ACTN3: variants seen among roughly 807,000 people sequenced by gnomAD.
ACTN3 encodes the protein actinin alpha 3.
A neutral mutation model predicts 119.6 loss-of-function variants in ACTN3; 91 were observed. The ratio of observed to expected loss-of-function variants is 0.76; its 90% CI spans 0.64 to 0.91. The LOEUF is 0.91. Among genes scored for constraint, ACTN3 ranks in the 40% least tolerant of loss-of-function variants. The pLI is 0.00. For missense variants in ACTN3, 1,221 were observed against 1,215.1 expected (o/e 1.00, Z -0.07); for synonymous variants, 456 against 478.8 (o/e 0.95, Z 0.62).
In ACTN3 at chr11:66,561,536, A is replaced by G. The variant is rs775007171; in HGVS notation, c.2074A>G (p.Ile692Val). The G allele has an allele frequency of 1.9e-6, 3 of 1,611,132 alleles. No individual in the cohort carries two copies. Among genetic ancestry groups the G allele is most frequent in the Admixed American group, 1.7e-5 (1 of 59,580 alleles). Residue 692 changes from isoleucine to valine, a missense_variant, in exon 17 of 21, where the codon ATT (isoleucine) becomes GTT (valine). Transcript: ENST00000513398. Reference sequence around the variant, plus strand: ...TGGGCTACGGCAGCAGGAGCAGAACATTATCAACTACAAGACTAACATTGA... The same window carrying G: ...TGGGCTACGGCAGCAGGAGCAGAACGTTATCAACTACAAGACTAACATTGA... ...MAGLRQQEQNIINYKTNIDRL... is the reference protein window; with the variant it reads ...MAGLRQQEQNVINYKTNIDRL...
intron 15 of ACTN3, 101 bp from the exon 16 acceptor site, chr11:66,561,126 C>T (rs1005422258): frequency 7.0e-7 from 1 of 1,426,624 alleles, no homozygotes; most frequent in Non-Finnish European, 9.3e-7. Context: ...CAAGTTGGCT[C>T]AAAGCAACAG....
rs1388579187 is a variant in ACTN3 at position 66,555,200 on chromosome 11, C to G, written c.628C>G (p.Leu210Val). The change falls in exon 6 of 21, where the codon CTG (leucine) becomes GTG (valine). Residue 210 changes from leucine (L) to valine (V), a missense_variant. This residue lies in a region of ACTN3 where 48 missense variants were observed against 83.4 expected (regional missense o/e 0.58). Coordinates refer to ENST00000513398, the MANE Select transcript of ACTN3 (RefSeq NM_001104.4). ...CCCTGACCTCATCGACTACGCCAAA[C>G]TGCGAAAGGTAGAGGCCCCCACCAC... ...HRPDLIDYAK[L>V]RKDDPIGNLN... is the part of the protein sequence containing the mutation. The G allele has an allele frequency of 6.2e-7, 1 of 1,613,910 alleles. No individual in the cohort carries two copies. The highest frequency in any genetic ancestry group is 1.3e-5 in the African/African-American group (1 of 74,880).
Position 66,551,298 on chromosome 11 carries a change from C to G in ACTN3, c.207C>G (p.Ile69Met). ...LRKAGTQIEN[I>M]EEDFRNGLKL... ...AGGCAGGCACCCAGATCGAGAACAT[C>G]GAGGAAGATTTCCGCAATGGCCTCA... Residue 69 changes from isoleucine (I) to methionine (M), a missense_variant, in exon 2 of 21, where the codon ATC (isoleucine) becomes ATG (methionine). By Grantham distance (10) the Ile-to-Met change is conservative. Transcript: ENST00000513398. 2 of 1,612,550 alleles carry G rather than the reference C, an allele frequency of 1.2e-6. No homozygotes were observed. The highest frequency in any genetic ancestry group is 4.5e-5 in the East Asian group (2 of 44,860).
At chr11:66,558,227 G>A (rs1211331762) in intron 11 of ACTN3, 53 bp downstream of exon 11, 3 of 1,599,238 alleles carry the variant, frequency 1.9e-6, no homozygotes, top group African/African-American at 2.7e-5. Flanking sequence ...GGAGATTGGT[G>A]TGCAGGGGCA....
chr11:66,559,256 C>G lies in ACTN3; in HGVS notation c.1297C>G (p.Gln433Glu). Residue 433 changes from glutamine (Q) to glutamate (E), a missense_variant, in exon 12 of 21, where the codon CAG becomes GAG. Physicochemically the swap from Gln to Glu is conservative, Grantham distance 29. Transcript: ENST00000513398. ...WTRGKEEMLS[Q>E]RDYDSALLQE... The stretch of plus-strand genomic sequence containing the variant: ...AGCAGGAAAGGAGGAGATGCTGAGC[C>G]AGCGCGACTACGATTCGGCTTTGCT... 1 of 1,559,000 alleles carries G rather than the reference C, an allele frequency of 6.4e-7. No individual in the cohort carries two copies. Among genetic ancestry groups the G allele is most frequent in the African/African-American group, 1.4e-5 (1 of 70,672 alleles).
chr11:66,560,263 G>A lies in ACTN3; in HGVS notation c.1629G>A (p.Val543=). ...TCAACAACTGGCTGGATGGTGCCGT[G>A]GAGGACCTGCAGGACGTGTGGCTGG... ...APFNNWLDGA[V]EDLQDVWLVH... The change falls in exon 14 of 21, where the codon GTG becomes GTA. Residue 543 remains valine (V), a synonymous_variant. Coordinates refer to ENST00000513398, the MANE Select transcript of ACTN3 (RefSeq NM_001104.4). 6.2e-7 allele frequency: 1 copy of A among 1,613,342 alleles called. No homozygotes were observed.
chr11:66,555,434 C>T, intron 7 of ACTN3, 67 bp downstream of exon 7: 2 of 1,520,782 alleles, frequency 1.3e-6, no homozygotes, highest in Non-Finnish European at 1.8e-6. Context: ...AACCTCCACA[C>T]CTTTGCACGG....
chr11:66,558,202 A>G (rs1857647952), intron 11 of ACTN3, 28 bp downstream of exon 11: 1 of 1,609,018 alleles, frequency 6.2e-7, no homozygotes, highest in Non-Finnish European at 8.5e-7. Flanking sequence ...ATGGGGCTGG[A>G]CTGTCTCTTG....
upstream of ACTN3, chr11:66,546,591 G>A: frequency 6.5e-7 from 1 of 1,535,644 alleles, no homozygotes; most frequent in Non-Finnish European, 8.7e-7. Context: ...CTCTAGAGCG[G>A]CCCGCGGCCA....
intron 3 of ACTN3, among the ~76,000 whole-genome samples, chr11:66,552,978 CA>C (rs960484189): frequency 9.2e-5 from 14 of 151,582 alleles, no homozygotes; most frequent in Non-Finnish European, 1.6e-4. Flanking sequence ...AGATGCGGGC[CA>C]GGGGTGATGG....
At chr11:66,547,462 G>A (rs1006604230) in intron 1 of ACTN3, among the ~76,000 whole-genome samples, 3 of 152,136 alleles carry the variant, frequency 2.0e-5, no homozygotes, top group African/African-American at 7.2e-5. Flanking sequence ...AAGGCTTGCA[G>A]TCAGGCAACT....
At chr11:66,559,654 C>G (rs1304169357) in intron 12 of ACTN3, among the ~76,000 whole-genome samples, 1 of 151,910 alleles carries the variant, frequency 6.6e-6, no homozygotes, top group African/African-American at 2.4e-5. Context: ...TCTCTTCACC[C>G]GGCTTACTGC....
intron 19 of ACTN3, among the ~76,000 whole-genome samples, chr11:66,562,548 G>C (rs1857805792): frequency 6.6e-6 from 1 of 152,138 alleles, no homozygotes; most frequent in Admixed American, 6.5e-5. Flanking sequence ...CAGCACTACA[G>C]AAACGGGTGT....
chr11:66,563,049 C>T lies in ACTN3; in HGVS notation c.2562C>T (p.Pro854=), dbSNP rs750663103. ...ILAGDKNYIT[P]EELRRELPAK... is the part of the protein sequence containing the mutation. ...CTTCTCCCCAGAACTACATCACCCC[C>T]GAGGAGCTGCGGCGCGAGCTCCCTG... Residue 854 remains proline, a synonymous_variant, in exon 21 of 21, where the codon CCC becomes CCT. Transcript: ENST00000513398. The T allele has an allele frequency of 9.9e-6, 16 of 1,611,812 alleles. No homozygotes were observed. Among genetic ancestry groups the T allele is most frequent in the African/African-American group, 4.0e-5 (3 of 74,880 alleles).
chr11:66,556,281 C>G, intron 8 of ACTN3, 51 bp downstream of exon 8: 2 of 1,579,488 alleles, frequency 1.3e-6, no homozygotes, highest in Non-Finnish European at 8.7e-7. Context: ...AAGGGCCCAA[C>G]CTTGGCTGTA....
chr11:66,554,578 A>G lies in ACTN3; in HGVS notation c.512A>G (p.Lys171Arg). ...KEGLLLWCQRKTAPYRNVNVQ... is the reference protein window; with the variant it reads ...KEGLLLWCQRRTAPYRNVNVQ... The stretch of plus-strand genomic sequence containing the variant: ...GGCTTGCTTCTGTGGTGCCAGAGGA[A>G]GACAGCACCGTACCGCAACGTCAAC... The change falls in exon 5 of 21, where the codon AAG becomes AGG. Residue 171 changes from lysine (K) to arginine (R), a missense_variant. Physicochemically the swap from Lys to Arg is conservative, Grantham distance 26. Around this residue, in one of 3 missense-constraint regions of ACTN3, gnomAD observed 239 missense variants for 231.8 expected, o/e 1.03. Coordinates refer to ENST00000513398, the MANE Select transcript of ACTN3 (RefSeq NM_001104.4). The G allele has an allele frequency of 1.2e-6, 2 of 1,612,770 alleles. No homozygotes were observed. Among genetic ancestry groups the G allele is most frequent in the Middle Eastern group, 1.7e-4 (1 of 6,058 alleles).
In ACTN3 at chr11:66,562,035, G is replaced by C. The variant is rs1223319861; in HGVS notation, c.2189G>C (p.Gly730Ala). 6.2e-7 allele frequency: 1 copy of C among 1,611,004 alleles called. No individual in the cohort carries two copies. Among genetic ancestry groups the C allele is most frequent in the Non-Finnish European group, 8.5e-7 (1 of 1,178,740 alleles). The part of the protein sequence containing the change: ...TVYSMEHIRV[G>A]WEQLLTSIAR... ...CCTGACCGCCAGCACATCCGCGTGG[G>C]CTGGGAGCAGCTGCTCACCTCCATT... The change falls in exon 18 of 21, where the codon GGC becomes GCC. Residue 730 changes from glycine (G) to alanine (A), a missense_variant. Gly to Ala is a moderately conservative substitution (Grantham distance 60, BLOSUM62 0). Around this residue, in one of 3 missense-constraint regions of ACTN3, gnomAD observed 934 missense variants for 899.9 expected, o/e 1.04. Coordinates refer to ENST00000513398, the MANE Select transcript of ACTN3 (RefSeq NM_001104.4).
At chr11:66,558,297 G>A (rs1857649969) in intron 11 of ACTN3, 123 bp downstream of exon 11, 1 of 1,407,330 alleles carries the variant, frequency 7.1e-7, no homozygotes, top group South Asian at 1.4e-5. Flanking sequence ...AGGAAAGCCA[G>A]AGACTGGATT....
chr11:66,551,386 A>G (rs1311070546), intron 2 of ACTN3, 33 bp downstream of exon 2: 1 of 1,575,800 alleles, frequency 6.3e-7, no homozygotes, highest in Non-Finnish European at 8.6e-7. Context: ...CCTGGGCCCC[A>G]GGACCCAGGA....
Sources: allele counts gnomAD v4.1 joint callset (sites outside exome capture counted in the v4.1 genomes callset), GRCh38; gene constraint gnomAD v4.1.1; regional missense constraint gnomAD v4.1.1; transcripts MANE v1.5; gene names NCBI Gene and HGNC (gene_info 2026-07-23, HGNC 2026-07-21).